Variants in FGB observed in about 807,000 individuals in gnomAD.
FGB encodes beta-fibrinogen.
In FGB, 25 loss-of-function variants were observed where a neutral mutation model predicts 57.9. The observed-to-expected ratio is 0.43, with a 90% confidence interval of 0.31 to 0.60. The LOEUF (loss-of-function observed/expected upper bound fraction) is 0.60. Ranked by LOEUF, FGB falls within the 20% of genes least tolerant of loss-of-function variation. FGB has a pLI of 0.08. For synonymous variants in FGB, 203 were observed against 199.2 expected (o/e 1.02, Z -0.16); for missense variants, 536 against 598.4 (o/e 0.90, Z 1.09).
rs759710385 is a variant in FGB at position 154,566,589 on chromosome 4, C to G, written c.407C>G (p.Ala136Gly). 1 of 1,613,966 alleles carries G rather than the reference C, an allele frequency of 6.2e-7. No homozygotes were observed. Among genetic ancestry groups the G allele is most frequent in the African/African-American group, 1.3e-5 (1 of 74,916 alleles). The change falls in exon 3 of 8, where the codon GCT (alanine) becomes GGT (glycine). Residue 136 changes from alanine to glycine, a missense_variant. This residue lies in a region of FGB where 354 missense variants were observed against 383.4 expected (regional missense o/e 0.92). Transcript: ENST00000302068. ...SVDELNNNVEAVSQTSSSSFQ... is the reference protein window; with the variant it reads ...SVDELNNNVEGVSQTSSSSFQ... Reference sequence around the variant, plus strand: ...GATGAGTTAAATAACAATGTGGAAGCTGTTTCCCAGACCTCCTCTTCTTCC... The same window carrying G: ...GATGAGTTAAATAACAATGTGGAAGGTGTTTCCCAGACCTCCTCTTCTTCC...
intron 1 of FGB, among the ~76,000 whole-genome samples, chr4:154,564,176 C>T (rs1401623284): frequency 6.6e-6 from 1 of 152,036 alleles, no homozygotes; most frequent in Non-Finnish European, 1.5e-5. Flanking sequence ...AACTAAACCT[C>T]ACAGAGATAG....
chr4:154,569,170 T>G lies in FGB; in HGVS notation c.833-12T>G. ...GGTTAATATATGCTCTTTTTGTTTC[T>G]GTCAACCAAAGGATGGACAGTGATT... On this transcript the variant is annotated splice_polypyrimidine_tract_variant and intron_variant, in intron 5 of 7. Coordinates refer to ENST00000302068, the MANE Select transcript of FGB (RefSeq NM_005141.5). The G allele has an allele frequency of 4.3e-6, 7 of 1,614,140 alleles. No homozygotes were observed. The highest frequency in any genetic ancestry group is 5.1e-6 in the Non-Finnish European group (6 of 1,179,986).
rs1437155247 is a variant in FGB, at chr4:154,567,683, A to G, written c.581A>G (p.Asn194Ser). ...DETVNSNIPT[N>S]LRVLRSILEN... ...ACTGTGAATAGCAATATCCCAACTA[A>G]CCTTCGTGTGCTTCGTTCAATCCTG... The change falls in exon 4 of 8, where the codon AAC becomes AGC. Residue 194 changes from asparagine (N) to serine (S), a missense_variant. Transcript: ENST00000302068. 1.7e-5 allele frequency: 28 copies of G among 1,613,726 alleles called. No individual in the cohort carries two copies. The highest frequency in any genetic ancestry group is 2.0e-5 in the Non-Finnish European group (24 of 1,179,760).
At chr4:154,566,734 A>G in intron 3 of FGB, 62 bp downstream of exon 3, 2 of 1,436,034 alleles carry the variant, frequency 1.4e-6, no homozygotes, top group South Asian at 1.1e-5. Context: ...TTAGACTGCC[A>G]CGAGAATGCA....
chr4:154,569,817 T>C lies in FGB; in HGVS notation c.1244+18T>C, dbSNP rs773980520. The C allele has an allele frequency of 5.6e-6, 9 of 1,613,780 alleles. No individual in the cohort carries two copies. In the African/African-American group the frequency reaches 1.2e-4, roughly 22 times the overall value. On this transcript the variant is annotated intron_variant, in intron 7 of 7. Coordinates refer to ENST00000302068, the MANE Select transcript of FGB (RefSeq NM_005141.5). ...GACGGCTGGTATGTGTGGCACTCTTTGCTCCTGCTTTAAAAATCACACTAA... is the reference window on the plus strand; with the variant it reads ...GACGGCTGGTATGTGTGGCACTCTTCGCTCCTGCTTTAAAAATCACACTAA...
rs1406248841 is a variant in FGB at position 154,569,231 on chromosome 4, G to A, written c.882G>A (p.Arg294=). 3 of 1,614,002 alleles carry A rather than the reference G, an allele frequency of 1.9e-6. No individual in the cohort carries two copies. In the African/African-American group the frequency reaches 4.0e-5, roughly 22 times the overall value. ...AAGACGGTAGTGTTGACTTTGGCAG[G>A]AAATGGGATCCATATAAACAGGGAT... ...NRQDGSVDFG[R]KWDPYKQGFG... is the part of the protein sequence containing the mutation. The change falls in exon 6 of 8, where the codon AGG becomes AGA. Residue 294 remains arginine, a synonymous_variant. Transcript: ENST00000302068.
In FGB at chr4:154,570,517, G is replaced by T. The variant is rs199846554; in HGVS notation, c.1343G>T (p.Trp448Leu). Residue 448 changes from tryptophan to leucine, a missense_variant, in exon 8 of 8, where the codon TGG becomes TTG. Physicochemically the swap from Trp to Leu is moderately conservative, Grantham distance 61. This residue lies in a region of FGB where 177 missense variants were observed against 193.7 expected (regional missense o/e 0.91). Transcript: ENST00000302068. ...GCCAATCCAAACGGCAGATACTACTGGGGTGGACAGTACACCTGGGACATG... is the reference window on the plus strand; with the variant it reads ...GCCAATCCAAACGGCAGATACTACTTGGGTGGACAGTACACCTGGGACATG... The part of the protein sequence containing the change: ...HAANPNGRYY[W>L]GGQYTWDMAK... 1.9e-6 allele frequency: 3 copies of T among 1,614,122 alleles called. No individual in the cohort carries two copies. Among genetic ancestry groups the T allele is most frequent in the South Asian group, 1.1e-5 (1 of 91,082 alleles).
Position 154,570,788 on chromosome 4 carries a change from G to A in FGB, c.*138G>A, listed in dbSNP as rs1730392266. Reference sequence around the variant, plus strand: ...GTGTGACTTTTTGAAAAAAGTATAGGATAAATTACATTAAAATAGCACATG... The same window carrying A: ...GTGTGACTTTTTGAAAAAAGTATAGAATAAATTACATTAAAATAGCACATG... On this transcript the variant is annotated 3_prime_UTR_variant, in exon 8 of 8. Coordinates refer to ENST00000302068, the MANE Select transcript of FGB (RefSeq NM_005141.5). 2.8e-6 allele frequency: 2 copies of A among 723,676 alleles called. No individual in the cohort carries two copies. Among genetic ancestry groups the A allele is most frequent in the Non-Finnish European group, 2.5e-6 (1 of 397,668 alleles). The allele number at this position is 723,676 out of a possible 1,614,324, so 44.8% of individuals were successfully genotyped here.
Position 154,565,819 on chromosome 4 carries a change from T to C in FGB, c.126T>C (p.Ser42=). The part of the protein sequence containing the change: ...GVNDNEEGFF[S]ARGHRPLDKK... ...CTCATTCCTTGTAGGGTTTCTTCAG[T>C]GCCCGTGGTCATCGACCCCTTGACA... The change falls in exon 2 of 8, where the codon AGT becomes AGC. Residue 42 remains serine (S), a synonymous_variant. Coordinates refer to ENST00000302068, the MANE Select transcript of FGB (RefSeq NM_005141.5). 1 of 1,614,208 alleles carries C rather than the reference T, an allele frequency of 6.2e-7. No individual in the cohort carries two copies. The highest frequency in any genetic ancestry group is 8.5e-7 in the Non-Finnish European group (1 of 1,180,018).
intron 5 of FGB, 27 bp downstream of exon 5, chr4:154,568,521 T>C: frequency 8.5e-7 from 1 of 1,180,590 alleles, no homozygotes; most frequent in Non-Finnish European, 1.3e-6. Flanking sequence ...TGTTGACCTG[T>C]TGATCTGTAA....
At chr4:154,570,288 A>C (rs1730363379) in intron 7 of FGB, 131 bp from the exon 8 acceptor site, 2 of 732,296 alleles carry the variant, frequency 2.7e-6, no homozygotes. Flanking sequence ...TATTAGTGTG[A>C]CTCTATGTAT....
chr4:154,567,414 T>C (rs1730204220), intron 3 of FGB, among the ~76,000 whole-genome samples, 179 bp from the exon 4 acceptor site: 1 of 152,230 alleles, frequency 6.6e-6, no homozygotes, highest in Non-Finnish European at 1.5e-5. Context: ...AGGATTTATG[T>C]TAATTTGTAT....
chr4:154,569,773 CA>C lies in FGB; in HGVS notation c.1219del (p.Thr407ArgfsTer10), dbSNP rs1730341327. The C allele has an allele frequency of 6.2e-7, 1 of 1,614,046 alleles. No homozygotes were observed. On this transcript the variant is annotated frameshift_variant, in exon 7 of 8. Transcript: ENST00000302068. LOFTEE classifies it high-confidence loss of function. ...CCATTCACAACGGCATGTTCTTCAG[CA>C]CGTATGACAGAGACAATGACGGCTG... is the stretch of plus-strand genomic sequence containing the variant. ...MTIHNGMFFSTYDRDNDGWLT... is the reference protein window; with the variant it reads ...MTIHNGMFFSXYDRDNDGWLT...
rs772608486 is a variant in FGB, at chr4:154,565,941, A to G, written c.248A>G (p.Lys83Arg). The change falls in exon 2 of 8, where the codon AAG (lysine) becomes AGG (arginine). Residue 83 changes from lysine (K) to arginine (R), a missense_variant. By Grantham distance (26) the Lys-to-Arg change is conservative (BLOSUM62 2). This residue lies in a region of FGB where 354 missense variants were observed against 383.4 expected (regional missense o/e 0.92). Coordinates refer to ENST00000302068, the MANE Select transcript of FGB (RefSeq NM_005141.5). ...CCAGCCAAAGCAGCTGCCACTCAAAAGAAAGTAGAAAGAAAAGCCCCTGAT... is the reference window on the plus strand; with the variant it reads ...CCAGCCAAAGCAGCTGCCACTCAAAGGAAAGTAGAAAGAAAAGCCCCTGAT... ...ARPAKAAATQ[K>R]KVERKAPDAG... is the part of the protein sequence containing the mutation. The G allele has an allele frequency of 9.3e-6, 15 of 1,613,944 alleles. No individual in the cohort carries two copies. Among genetic ancestry groups the G allele is most frequent in the Non-Finnish European group, 1.1e-5 (13 of 1,180,012 alleles).
intron 6 of FGB, 56 bp from the exon 7 acceptor site, chr4:154,569,458 T>C: frequency 6.3e-7 from 1 of 1,596,416 alleles, no homozygotes; most frequent in South Asian, 1.1e-5. Context: ...AGAAAGGCAG[T>C]TTTTAGTTTC....
At position 154,570,754 on chromosome 4, in the gene FGB, C is replaced by A. The variant is rs1298143101; in HGVS notation, c.*104C>A. ...ATTATATTCCTCTAAAACTCTCAAG[C>A]AGACGTGAGTGTGACTTTTTGAAAA... is the stretch of plus-strand genomic sequence containing the variant. On this transcript the variant is annotated 3_prime_UTR_variant, in exon 8 of 8. Coordinates refer to ENST00000302068, the MANE Select transcript of FGB (RefSeq NM_005141.5). 4 of 859,696 alleles carry A rather than the reference C, an allele frequency of 4.7e-6. No homozygotes were observed. Among genetic ancestry groups the A allele is most frequent in the South Asian group, 4.3e-5 (3 of 70,274 alleles). The allele number at this position is 859,696 out of a possible 1,614,324, so 53.3% of individuals were successfully genotyped here. A position where few individuals can be genotyped will look rare whatever the true frequency, so the allele number is the denominator to read the frequency against.
Position 154,569,667 on chromosome 4 carries a change from CAG to C in FGB, c.1113_1114del (p.Val372GlufsTer9). ...AATGAAGCCAACAAATACCAGATCT[CAG>C]TGAACAAATACAGAGGAACAGCCGG... On this transcript the variant is annotated frameshift_variant, in exon 7 of 8. Coordinates refer to ENST00000302068, the MANE Select transcript of FGB (RefSeq NM_005141.5). LOFTEE classifies it high-confidence loss of function. 6.2e-7 allele frequency: 1 copy of C among 1,614,078 alleles called. No individual in the cohort carries two copies. The highest frequency in any genetic ancestry group is 8.5e-7 in the Non-Finnish European group (1 of 1,180,016).
rs1191352799 is a variant in FGB at position 154,570,709 on chromosome 4, A to G, written c.*59A>G. Reference sequence around the variant, plus strand: ...TGACAACATTTTTGTACATTATGTTATTGGAATTTTCTTTCATACATTATA... The same window carrying G: ...TGACAACATTTTTGTACATTATGTTGTTGGAATTTTCTTTCATACATTATA... On this transcript the variant is annotated 3_prime_UTR_variant, in exon 8 of 8. Coordinates refer to ENST00000302068, the MANE Select transcript of FGB (RefSeq NM_005141.5). 6 of 1,331,928 alleles carry G rather than the reference A, an allele frequency of 4.5e-6. No homozygotes were observed. The highest frequency in any genetic ancestry group is 4.3e-5 in the African/African-American group (3 of 69,378). 82.5% of individuals were successfully genotyped at this position (1,331,928 alleles called of 1,614,324 possible).
intron 5 of FGB, 77 bp from the exon 6 acceptor site, chr4:154,569,105 G>C (rs944362949): frequency 6.2e-6 from 9 of 1,457,528 alleles, no homozygotes; most frequent in Non-Finnish European, 8.7e-6. Context: ...AATGGACAGG[G>C]GATTCAGATA....
Sources: allele counts gnomAD v4.1 joint callset (sites outside exome capture counted in the v4.1 genomes callset), GRCh38; gene constraint gnomAD v4.1.1; regional missense constraint gnomAD v4.1.1; transcripts MANE v1.5; gene names NCBI Gene and HGNC (gene_info 2026-07-23, HGNC 2026-07-21).